The following R3HDML variants were observed in gnomAD, a reference collection of about 807,000 sequenced individuals.
R3HDML encodes R3H domain containing like.
Under a neutral mutation model 24.2 loss-of-function variants are expected in R3HDML, and 21 were observed. The ratio of observed to expected loss-of-function variants is 0.87; its 90% CI spans 0.62 to 1.25. The LOEUF is 1.25. R3HDML is among the 50% of genes most tolerant of loss of function. The pLI is 0.00. For synonymous variants in R3HDML, 133 were observed against 131.5 expected (o/e 1.01, Z -0.08); for missense variants, 301 against 340.3 (o/e 0.88, Z 0.91).
intron 2 of R3HDML, 101 bp downstream of exon 2, chr20:44,341,415 C>T (rs554317059): frequency 1.7e-4 from 161 of 942,960 alleles, no homozygotes; most frequent in Middle Eastern, 1.1e-3. Context: ...GATACAGTGG[C>T]GAGCAAGGCA....
chr20:44,339,804 A>C (rs1198876850), intron 1 of R3HDML, among the ~76,000 whole-genome samples: 1 of 151,936 alleles, frequency 6.6e-6, no homozygotes, highest in East Asian at 1.9e-4. Context: ...GTTGACACGG[A>C]ATCTCCCTCT....
intron 4 of R3HDML, among the ~76,000 whole-genome samples, chr20:44,348,409 C>G (rs545924427): frequency 6.6e-6 from 1 of 151,780 alleles, no homozygotes; most frequent in East Asian, 1.9e-4. Flanking sequence ...CCTTCCCCTT[C>G]CCCTTCCTTT....
chr20:44,347,145 C>A (rs1159028752), intron 4 of R3HDML, among the ~76,000 whole-genome samples: 1 of 151,906 alleles, frequency 6.6e-6, no homozygotes, highest in Admixed American at 6.6e-5. Context: ...CCGTCTCAAA[C>A]AACAACAACA....
intron 3 of R3HDML, among the ~76,000 whole-genome samples, chr20:44,344,267 C>T (rs960968410): frequency 4.8e-5 from 7 of 147,118 alleles, no homozygotes; most frequent in East Asian, 2.0e-4. Context: ...GGCAACAGAA[C>T]GAGACTCCGT....
At chr20:44,345,939 C>A (rs2062785741) in intron 4 of R3HDML, among the ~76,000 whole-genome samples, 1 of 152,058 alleles carries the variant, frequency 6.6e-6, no homozygotes, top group Admixed American at 6.6e-5. Flanking sequence ...CCTGCCTCAG[C>A]CTCCCGAGTA....
intron 4 of R3HDML, among the ~76,000 whole-genome samples, chr20:44,347,152 A>C (rs1158177176): frequency 6.6e-6 from 1 of 152,180 alleles, no homozygotes; most frequent in Non-Finnish European, 1.5e-5. Flanking sequence ...AAACAACAAC[A>C]ACAACAAAAA....
rs1428987914 is a variant in R3HDML at position 44,345,829 on chromosome 20, C to CTTTCTTTTTTTTTTTTTTTTTTTT, written c.629+454_629+455insCTTTTTTTTTTTTTTTTTTTTTTT. ...TAATCCATTTTTTCTTTCTTTCTTT[C>CTTTCTTTTTTTTTTTTTTTTTTTT]TTTTTTTTGAGAAGAGGCCTTGCTC... is the stretch of plus-strand genomic sequence containing the variant. On this transcript the variant is annotated intron_variant, in intron 4 of 4. Coordinates refer to ENST00000217043, the MANE Select transcript of R3HDML (RefSeq NM_178491.4). Among the ~76,000 whole-genome samples, 47 of 147,758 alleles carry CTTTCTTTTTTTTTTTTTTTTTTTT rather than the reference C, an allele frequency of 3.2e-4. 2 individuals are homozygous for CTTTCTTTTTTTTTTTTTTTTTTTT. Among genetic ancestry groups the CTTTCTTTTTTTTTTTTTTTTTTTT allele is most frequent in the Non-Finnish European group, 4.9e-4 (32 of 65,964 alleles).
intron 2 of R3HDML, among the ~76,000 whole-genome samples, chr20:44,342,307 T>C (rs892249503): frequency 6.6e-6 from 1 of 152,062 alleles, no homozygotes; most frequent in Non-Finnish European, 1.5e-5. Flanking sequence ...GTGAGCTCAG[T>C]GGAAATTCAG....
Position 44,343,529 on chromosome 20 carries a change from G to GA in R3HDML, c.513+21dup. The GA allele has an allele frequency of 6.3e-7, 1 of 1,578,290 alleles. No individual in the cohort carries two copies. The highest frequency in any genetic ancestry group is 8.6e-7 in the Non-Finnish European group (1 of 1,162,996). On this transcript the variant is annotated intron_variant, in intron 3 of 4. Transcript: ENST00000217043. The stretch of plus-strand genomic sequence containing the variant: ...ACCCAGGTACTCCTCCGTCAGGGCT[G>GA]AGGGCCCCTGGGATAACACATCCTG...
chr20:44,339,072 A>AG (rs1600598151), intron 1 of R3HDML, among the ~76,000 whole-genome samples: 1 of 151,484 alleles, frequency 6.6e-6, no homozygotes, highest in Admixed American at 6.6e-5. Context: ...TAAAAAAAAA[A>AG]AAAAAAAAAA....
At chr20:44,339,621 A>G (rs965935957) in intron 1 of R3HDML, among the ~76,000 whole-genome samples, 3 of 142,700 alleles carry the variant, frequency 2.1e-5, no homozygotes, top group East Asian at 2.0e-4. Flanking sequence ...GTGTGTGTGT[A>G]TATATAGAGA....
intron 4 of R3HDML, among the ~76,000 whole-genome samples, chr20:44,348,464 CT>C (rs2146114902): frequency 6.7e-6 from 1 of 150,194 alleles, no homozygotes; most frequent in Non-Finnish European, 1.5e-5. Context: ...CCCTTTTCCC[CT>C]TTCTCCTTTT....
At chr20:44,345,114 A>C in intron 3 of R3HDML, 149 bp from the exon 4 acceptor site, 1 of 666,634 alleles carries the variant, frequency 1.5e-6, no homozygotes. Flanking sequence ...ATGTTACAAT[A>C]TAAATGCCTC....
Position 44,343,475 on chromosome 20 carries a change from G to C in R3HDML, c.479G>C (p.Arg160Pro), listed in dbSNP as rs781649728. 1 of 1,611,912 alleles carries C rather than the reference G, an allele frequency of 6.2e-7. No homozygotes were observed. Among genetic ancestry groups the C allele is most frequent in the South Asian group, 1.1e-5 (1 of 90,654 alleles). Reference protein sequence around the residue: ...PRDCNPHCPWRCDGPTCSHYT... With the variant: ...PRDCNPHCPWPCDGPTCSHYT... ...GACTGTAACCCACACTGCCCCTGGC[G>C]CTGCGATGGCCCCACCTGCTCCCAT... The change falls in exon 3 of 5, where the codon CGC becomes CCC. Residue 160 changes from arginine (R) to proline (P), a missense_variant. Transcript: ENST00000217043.
intron 1 of R3HDML, among the ~76,000 whole-genome samples, chr20:44,340,282 G>T (rs1225048383): frequency 6.6e-6 from 1 of 151,736 alleles, no homozygotes; most frequent in East Asian, 1.9e-4. Context: ...GTAGAGAGGG[G>T]GTTTCTCCAT....
chr20:44,338,515 A>C (rs1352108761), intron 1 of R3HDML, among the ~76,000 whole-genome samples: 1 of 152,198 alleles, frequency 6.6e-6, no homozygotes, highest in African/African-American at 2.4e-5. Flanking sequence ...GGAGTCATTG[A>C]CTTGTTCATT....
chr20:44,342,601 T>C (rs1240954311), intron 2 of R3HDML, among the ~76,000 whole-genome samples: 1 of 152,182 alleles, frequency 6.6e-6, no homozygotes, highest in African/African-American at 2.4e-5. Flanking sequence ...TCTCCCTCTT[T>C]AGTCATTTAT....
At chr20:44,340,454 A>G (rs1000174398) in intron 1 of R3HDML, among the ~76,000 whole-genome samples, 1 of 152,132 alleles carries the variant, frequency 6.6e-6, no homozygotes, top group African/African-American at 2.4e-5. Context: ...TGACTTAACC[A>G]TTTTCAATGT....
chr20:44,342,937 G>C (rs1469419035), intron 2 of R3HDML, among the ~76,000 whole-genome samples: 1 of 152,128 alleles, frequency 6.6e-6, no homozygotes, highest in Non-Finnish European at 1.5e-5. Context: ...CTGGGCAACA[G>C]AGCGAGACTC....
Sources: allele counts gnomAD v4.1 joint callset (sites outside exome capture counted in the v4.1 genomes callset), GRCh38; gene constraint gnomAD v4.1.1; transcripts MANE v1.5; gene names NCBI Gene and HGNC (gene_info 2026-07-23, HGNC 2026-07-21).